PIP5K1A: variants seen among roughly 807,000 people sequenced by gnomAD.
PIP5K1A encodes the protein phosphatidylinositol-4-phosphate 5-kinase type 1 alpha.
A neutral mutation model predicts 72.9 loss-of-function variants in PIP5K1A; 46 were observed. The ratio of observed to expected loss-of-function variants is 0.63; its 90% CI spans 0.50 to 0.81. The LOEUF is 0.81. Among genes scored for constraint, PIP5K1A ranks in the 30% least tolerant of loss-of-function variants. PIP5K1A has a pLI of 0.00. For missense variants in PIP5K1A, 458 were observed against 706.1 expected (o/e 0.65, Z 3.98); for synonymous variants, 228 against 255.1 (o/e 0.89, Z 1.01).
chr1:151,233,877 T>TA, intron 7 of PIP5K1A: 1 of 270,466 alleles, frequency 3.7e-6, no homozygotes, highest in Non-Finnish European at 7.0e-6. Flanking sequence ...TTACCTGCCT[T>TA]ACCATCCCCA....
intron 12 of PIP5K1A, among the ~76,000 whole-genome samples, chr1:151,241,710 G>T (rs1191856668): frequency 6.6e-6 from 1 of 150,952 alleles, no homozygotes; most frequent in African/African-American, 2.4e-5. Flanking sequence ...TGAGGCATGG[G>T]AATCACTTGA....
upstream of PIP5K1A, among the ~76,000 whole-genome samples, chr1:151,195,912 T>TTTTTTTTTTAGGG: frequency 7.3e-6 from 1 of 136,706 alleles, no homozygotes; most frequent in South Asian, 2.5e-4. Flanking sequence ...TTTTTTTTTT[T>TTTTTTTTTTAGGG]GAGACGGAGT....
chr1:151,207,510 A>G (rs917820890), intron 1 of PIP5K1A, among the ~76,000 whole-genome samples: 1 of 151,210 alleles, frequency 6.6e-6, no homozygotes, highest in Non-Finnish European at 1.5e-5. Flanking sequence ...TGTTGCATAA[A>G]GGCTGTATGT....
At chr1:151,212,342 A>G (rs1475246481) in intron 1 of PIP5K1A, among the ~76,000 whole-genome samples, 1 of 152,120 alleles carries the variant, frequency 6.6e-6, no homozygotes, top group East Asian at 1.9e-4. Flanking sequence ...CACTTCCTTT[A>G]CATTTTCTCC....
At chr1:151,208,713 G>A (rs1457859958) in intron 1 of PIP5K1A, among the ~76,000 whole-genome samples, 1 of 126,482 alleles carries the variant, frequency 7.9e-6, no homozygotes, top group Non-Finnish European at 1.6e-5. Context: ...ATGTTGTAAT[G>A]GTACGCTTTT....
intron 1 of PIP5K1A, among the ~76,000 whole-genome samples, chr1:151,211,771 A>G (rs1329687420): frequency 6.8e-6 from 1 of 147,384 alleles, no homozygotes; most frequent in African/African-American, 2.5e-5. Flanking sequence ...GTGCCACTGC[A>G]CTCCAGCCTG....
At chr1:151,202,892 C>A (rs977117879) in intron 1 of PIP5K1A, among the ~76,000 whole-genome samples, 2 of 151,864 alleles carry the variant, frequency 1.3e-5, no homozygotes, top group South Asian at 2.1e-4. Context: ...CCTGCTTCAG[C>A]TTCCCAAGTA....
chr1:151,206,561 TG>T (rs1685956638), intron 1 of PIP5K1A, among the ~76,000 whole-genome samples: 1 of 152,084 alleles, frequency 6.6e-6, no homozygotes, highest in African/African-American at 2.4e-5. Context: ...ATACTTTTTT[TG>T]TTTTGTTTTG....
intron 1 of PIP5K1A, among the ~76,000 whole-genome samples, chr1:151,212,867 C>G (rs913611876): frequency 1.3e-5 from 2 of 148,244 alleles, no homozygotes; most frequent in Admixed American, 1.4e-4. Flanking sequence ...GCCACCGTGC[C>G]TGGCTGACTT....
intron 12 of PIP5K1A, among the ~76,000 whole-genome samples, chr1:151,241,800 CAAAA>C (rs201895156): frequency 3.3e-5 from 2 of 60,172 alleles, no homozygotes; most frequent in Non-Finnish European, 7.1e-5. Flanking sequence ...AACTCCATCT[CAAAA>C]AAAAAAAAAA....
chr1:151,205,528 C>T lies in PIP5K1A; in HGVS notation c.85+6447C>T, dbSNP rs587696299. 8.6e-5 allele frequency among the ~76,000 whole-genome samples: 13 copies of T among 151,192 alleles called. No individual in the cohort carries two copies. The South Asian group carries it at 2.1e-3, about 25-fold the overall frequency. ...TTGACGTAAAGAAGGGAACAAGAGC[C>T]GGGCATGGTGACTCACGCCTGTAAT... is the stretch of plus-strand genomic sequence containing the variant. On this transcript the variant is annotated intron_variant, in intron 1 of 15. Transcript: ENST00000368888.
chr1:151,198,155 AGAG>A (rs1684719887), upstream of PIP5K1A: 2 of 465,818 alleles, frequency 4.3e-6, no homozygotes, highest in African/African-American at 2.0e-5. Context: ...ATAGTAAACA[AGAG>A]TAGTAAAACA....
chr1:151,202,822 G>A (rs1260273070), intron 1 of PIP5K1A, among the ~76,000 whole-genome samples: 1 of 151,608 alleles, frequency 6.6e-6, no homozygotes, highest in Non-Finnish European at 1.5e-5. Flanking sequence ...GCCCAGGCTG[G>A]AGTGCGGTGG....
chr1:151,223,969 A>G (rs1315824895), intron 1 of PIP5K1A: 4 of 494,168 alleles, frequency 8.1e-6, no homozygotes, highest in African/African-American at 3.9e-5. Flanking sequence ...CTCCATCTCA[A>G]AAAAAAAGAA....
rs1687437433 is a variant in PIP5K1A at position 151,215,336 on chromosome 1, C to CT, written c.86-8909_86-8908insT. ...TACAGGCGTGAGCCACCGCACCCGG[C>CT]CTTTTTTTTTTTTTGAAAAGGAGTC... On this transcript the variant is annotated intron_variant, in intron 1 of 15. Coordinates refer to ENST00000368888, the MANE Select transcript of PIP5K1A (RefSeq NM_001135638.2). 1.4e-4 allele frequency among the ~76,000 whole-genome samples: 20 copies of CT among 138,784 alleles called. 1 individual carries two copies. The allele number at this position is 138,784 out of a possible 152,430, so 91.0% of individuals were successfully genotyped here. A position where few individuals can be genotyped will look rare whatever the true frequency, so the allele number is the denominator to read the frequency against.
chr1:151,247,430 G>A (rs933027049), intron 15 of PIP5K1A, among the ~76,000 whole-genome samples: 3 of 150,868 alleles, frequency 2.0e-5, no homozygotes, highest in African/African-American at 7.3e-5. Flanking sequence ...CCCAGCCATC[G>A]TGTTTGTGTT....
At chr1:151,203,119 T>G (rs1685442478) in intron 1 of PIP5K1A, among the ~76,000 whole-genome samples, 1 of 152,088 alleles carries the variant, frequency 6.6e-6, no homozygotes, top group Non-Finnish European at 1.5e-5. Context: ...AGAATTTCTG[T>G]CTTGGAGGCT....
intron 4 of PIP5K1A, among the ~76,000 whole-genome samples, chr1:151,228,944 G>A (rs978448735): frequency 1.3e-5 from 2 of 151,364 alleles, no homozygotes; most frequent in East Asian, 3.9e-4. Context: ...GAGGCGGGTG[G>A]ATCACCTGAG....
chr1:151,214,247 C>T (rs1384836324), intron 1 of PIP5K1A, among the ~76,000 whole-genome samples: 1 of 152,010 alleles, frequency 6.6e-6, no homozygotes, highest in African/African-American at 2.4e-5. Flanking sequence ...CCTTGTATAT[C>T]CTTGTAATGT....
Sources: allele counts gnomAD v4.1 joint callset (sites outside exome capture counted in the v4.1 genomes callset), GRCh38; gene constraint gnomAD v4.1.1; transcripts MANE v1.5; gene names NCBI Gene and HGNC (gene_info 2026-07-23, HGNC 2026-07-21).